The following CHN1 variants were observed in gnomAD, a reference collection of about 807,000 sequenced individuals.
CHN1 encodes N-chimaerin.
Under a neutral mutation model 59.5 loss-of-function variants are expected in CHN1, and 37 were observed. That is an observed-to-expected ratio of 0.62 (90% CI 0.48 to 0.82). CHN1 has a LOEUF of 0.82. Ranked by LOEUF, CHN1 falls within the 40% of genes least tolerant of loss-of-function variation. The pLI is 0.00. For synonymous variants in CHN1, 206 were observed against 200.4 expected, an observed-to-expected ratio of 1.03 and a Z score of -0.24; for missense variants, 469 against 571.0, an observed-to-expected ratio of 0.82 and a Z score of 1.82.
At chr2:174,944,060 A>T (rs1282430511) in intron 3 of CHN1, among the ~76,000 whole-genome samples, 1 of 152,250 alleles carries the variant, frequency 6.6e-6, no homozygotes, top group African/African-American at 2.4e-5. Context: ...ATCAGTACAT[A>T]GAAATCTTCC....
intron 3 of CHN1, chr2:174,920,992 T>A: frequency 2.3e-6 from 1 of 429,418 alleles, no homozygotes; most frequent in Non-Finnish European, 4.8e-6. Context: ...GTCCCTCGCA[T>A]GTGCAGTTCA....
At chr2:174,905,867 T>G (rs1051752215) in intron 5 of CHN1, among the ~76,000 whole-genome samples, 3 of 152,176 alleles carry the variant, frequency 2.0e-5, no homozygotes, top group African/African-American at 7.2e-5. Context: ...CAGATAAAAA[T>G]GTTTTTAAAT....
intron 1 of CHN1, among the ~76,000 whole-genome samples, chr2:174,961,731 A>C (rs149745675): frequency 1.3e-5 from 2 of 152,272 alleles, no homozygotes; most frequent in African/African-American, 4.8e-5. Context: ...AATCTCTTTA[A>C]TGTCTAGCCT....
intron 6 of CHN1, among the ~76,000 whole-genome samples, chr2:174,860,963 G>C (rs1687050377): frequency 6.6e-6 from 1 of 152,116 alleles, no homozygotes. Flanking sequence ...AAATAATACA[G>C]ACAGGGAGCT....
chr2:174,988,470 C>G (rs1224385861), intron 1 of CHN1, among the ~76,000 whole-genome samples: 3 of 152,060 alleles, frequency 2.0e-5, no homozygotes, highest in African/African-American at 7.2e-5. Context: ...CTTCCCAACT[C>G]TGTTTCAATA....
intron 5 of CHN1, among the ~76,000 whole-genome samples, chr2:174,906,824 T>C (rs1388160197): frequency 6.6e-6 from 1 of 152,124 alleles, no homozygotes; most frequent in East Asian, 1.9e-4. Context: ...ACCCTTAACA[T>C]TTTTTTCTCT....
At chr2:174,828,311 G>A (rs781778162) in intron 7 of CHN1, among the ~76,000 whole-genome samples, 39 of 152,140 alleles carry the variant, frequency 2.6e-4, no homozygotes, top group Non-Finnish European at 4.3e-4. Context: ...TTATAAAATC[G>A]TACTATACCA....
chr2:174,892,306 G>A (rs1363160920), intron 5 of CHN1, among the ~76,000 whole-genome samples: 1 of 152,220 alleles, frequency 6.6e-6, no homozygotes, highest in African/African-American at 2.4e-5. Flanking sequence ...AAGAGGTGGG[G>A]CCTTTATGAA....
intron 1 of CHN1, among the ~76,000 whole-genome samples, chr2:174,987,553 G>A (rs1013328679): frequency 6.6e-6 from 1 of 151,858 alleles, no homozygotes; most frequent in Admixed American, 6.6e-5. Context: ...GATAACAAGC[G>A]CCTACCACCA....
chr2:174,890,112 C>T (rs1347110737), intron 5 of CHN1, among the ~76,000 whole-genome samples: 1 of 152,052 alleles, frequency 6.6e-6, no homozygotes, highest in Non-Finnish European at 1.5e-5. Context: ...TTAAACTCTC[C>T]AGTTGAAAGA....
chr2:174,946,895 A>T (rs1689853249), intron 2 of CHN1, among the ~76,000 whole-genome samples: 1 of 117,702 alleles, frequency 8.5e-6, no homozygotes, highest in East Asian at 2.7e-4. Context: ...TGTCTCTAAA[A>T]AATGTAAAAA....
rs1685064094 is a variant in CHN1 at position 174,811,296 on chromosome 2, ATAGTT to A, written c.964+210_964+214del. On this transcript the variant is annotated intron_variant, in intron 10 of 12. Transcript: ENST00000409900. Reference sequence around the variant, plus strand: ...CCTTGGATACTCAAATATTGGTAACATAGTTTAATTTTATACTTCTTTCATATTCT... The same window carrying A: ...CCTTGGATACTCAAATATTGGTAACATAATTTTATACTTCTTTCATATTCT... 9 of 473,370 alleles carry A rather than the reference ATAGTT, an allele frequency of 1.9e-5. No homozygotes were observed. In the South Asian group the frequency reaches 3.0e-4, roughly 16 times the overall value. The allele number at this position is 473,370 out of a possible 1,614,324, so 29.3% of individuals were successfully genotyped here.
At chr2:174,985,661 G>A (rs1691314586) in intron 1 of CHN1, among the ~76,000 whole-genome samples, 1 of 152,112 alleles carries the variant, frequency 6.6e-6, no homozygotes, top group East Asian at 1.9e-4. Flanking sequence ...ACAGATCCCA[G>A]TGTGTTTTAC....
chr2:174,921,026 G>A (rs1004920880), intron 3 of CHN1: 2 of 412,674 alleles, frequency 4.8e-6, no homozygotes, highest in Admixed American at 2.4e-5. Context: ...GTTCCCATGA[G>A]TCTAATATGG....
In CHN1 at chr2:174,809,001, T is replaced by C; in HGVS notation, c.1006A>G (p.Ile336Val). Reference sequence around the variant, plus strand: ...TTAAGTGCACCAGTGATAATGTTGATATCTTCATACATGTTCACAGAAATA... The same window carrying C: ...TTAAGTGCACCAGTGATAATGTTGACATCTTCATACATGTTCACAGAAATA... The part of the protein sequence containing the change: ...ADISVNMYED[I>V]NIITGALKLY... The change falls in exon 11 of 13, where the codon ATC (isoleucine) becomes GTC (valine). Residue 336 changes from isoleucine (I) to valine (V), a missense_variant. Transcript: ENST00000409900. 1 of 1,613,402 alleles carries C rather than the reference T, an allele frequency of 6.2e-7. No individual in the cohort carries two copies. Among genetic ancestry groups the C allele is most frequent in the African/African-American group, 1.3e-5 (1 of 75,046 alleles).
intron 7 of CHN1, among the ~76,000 whole-genome samples, chr2:174,833,954 G>T (rs1383308214): frequency 6.6e-6 from 1 of 152,108 alleles, no homozygotes; most frequent in Admixed American, 6.5e-5. Context: ...ACCACACCCA[G>T]CTAATTTTGT....
chr2:174,959,662 A>C (rs1690336611), intron 1 of CHN1, among the ~76,000 whole-genome samples: 2 of 152,188 alleles, frequency 1.3e-5, no homozygotes, highest in South Asian at 4.1e-4. Flanking sequence ...GACATTCCTG[A>C]AATAAAATGG....
At chr2:174,887,536 C>T (rs1687928752) in intron 5 of CHN1, among the ~76,000 whole-genome samples, 1 of 152,154 alleles carries the variant, frequency 6.6e-6, no homozygotes, top group South Asian at 2.1e-4. Flanking sequence ...GAAACTGAAA[C>T]TTAGGGAGAT....
chr2:174,806,151 G>A (rs1354733980), intron 11 of CHN1, among the ~76,000 whole-genome samples: 1 of 152,062 alleles, frequency 6.6e-6, no homozygotes, highest in Non-Finnish European at 1.5e-5. Flanking sequence ...GGAAGGTGGG[G>A]GTGAGTGAAC....
Sources: gnomAD v4.1 joint callset for allele counts (sites outside exome capture counted in the v4.1 genomes callset) on GRCh38, gnomAD v4.1.1 for gene constraint, MANE v1.5 for transcripts, NCBI Gene and HGNC (gene_info 2026-07-23, HGNC 2026-07-21) for gene names.